SPOCK1: variants seen among roughly 807,000 people sequenced by gnomAD.
The protein encoded by SPOCK1 is SPARC (osteonectin), cwcv and kazal like domains proteoglycan 1, also known as testican-1.
A neutral mutation model predicts 55.3 loss-of-function variants in SPOCK1; 23 were observed. The observed-to-expected ratio is 0.42, with a 90% CI of 0.30 to 0.59. The LOEUF is 0.59. SPOCK1 is among the 20% of genes least tolerant of loss of function. SPOCK1 has a pLI of 0.22. For synonymous variants in SPOCK1, 226 were observed against 221.0 expected (o/e 1.02, Z -0.20); for missense variants, 499 against 552.5 (o/e 0.90, Z 0.97).
chr5:137,097,592 G>A (rs1207037104), intron 5 of SPOCK1, among the ~76,000 whole-genome samples: 2 of 152,176 alleles, frequency 1.3e-5, no homozygotes, highest in Non-Finnish European at 2.9e-5. Flanking sequence ...AGAGAGCCAG[G>A]AGAACAACTG....
At chr5:137,439,633 T>C (rs989268864) in intron 2 of SPOCK1, among the ~76,000 whole-genome samples, 4 of 152,172 alleles carry the variant, frequency 2.6e-5, no homozygotes, top group African/African-American at 9.7e-5. Flanking sequence ...CAGGGTCTGT[T>C]AATTGAGGGC....
At chr5:137,216,060 T>C (rs956012578) in intron 3 of SPOCK1, among the ~76,000 whole-genome samples, 1 of 152,110 alleles carries the variant, frequency 6.6e-6, no homozygotes, top group Non-Finnish European at 1.5e-5. Flanking sequence ...TGGCTCATCA[T>C]GTAATGCTCC....
At chr5:137,281,698 G>A (rs1757168381) in intron 2 of SPOCK1, among the ~76,000 whole-genome samples, 1 of 152,182 alleles carries the variant, frequency 6.6e-6, no homozygotes, top group African/African-American at 2.4e-5. Context: ...TCGGGGCTCA[G>A]CTATCTCATC....
chr5:137,450,140 G>C (rs1230858414), intron 2 of SPOCK1, among the ~76,000 whole-genome samples: 2 of 152,140 alleles, frequency 1.3e-5, no homozygotes, highest in Non-Finnish European at 2.9e-5. Flanking sequence ...GGAGTGAGAT[G>C]TTGAGGTGGG....
intron 4 of SPOCK1, among the ~76,000 whole-genome samples, chr5:137,118,596 C>G (rs2127036468): frequency 6.6e-6 from 1 of 152,334 alleles, no homozygotes; most frequent in East Asian, 1.9e-4. Flanking sequence ...CGACAGCAAG[C>G]AGGTGGCAAG....
chr5:137,180,018 A>G (rs779370615), intron 3 of SPOCK1, among the ~76,000 whole-genome samples: 1 of 152,200 alleles, frequency 6.6e-6, no homozygotes, highest in Non-Finnish European at 1.5e-5. Context: ...GACTGCTAGC[A>G]TCTCAACCTT....
At chr5:136,988,265 A>G (rs1349447217) in intron 8 of SPOCK1, among the ~76,000 whole-genome samples, 157 bp downstream of exon 8, 1 of 152,186 alleles carries the variant, frequency 6.6e-6, no homozygotes, top group African/African-American at 2.4e-5. Context: ...AGCAGAAATA[A>G]ACTGGAAGAA....
intron 2 of SPOCK1, among the ~76,000 whole-genome samples, chr5:137,374,891 A>G (rs1450686172): frequency 1.3e-5 from 2 of 152,194 alleles, no homozygotes; most frequent in African/African-American, 2.4e-5. Flanking sequence ...ATCCAACTCC[A>G]GAAGCCAGGT....
chr5:137,344,487 A>G (rs1186501489), intron 2 of SPOCK1, among the ~76,000 whole-genome samples: 1 of 152,234 alleles, frequency 6.6e-6, no homozygotes, highest in Non-Finnish European at 1.5e-5. Context: ...GCAGTTCTTA[A>G]GCAAAAGTGA....
chr5:137,342,085 A>T (rs1280183713), intron 2 of SPOCK1, among the ~76,000 whole-genome samples: 1 of 152,222 alleles, frequency 6.6e-6, no homozygotes, highest in East Asian at 1.9e-4. Context: ...CATGTATGTG[A>T]TCAGACATAC....
chr5:137,064,680 A>C, intron 6 of SPOCK1, among the ~76,000 whole-genome samples: 1 of 152,096 alleles, frequency 6.6e-6, no homozygotes, highest in South Asian at 2.1e-4. Context: ...TCTCCCTTGT[A>C]CCCATGCCCT....
intron 2 of SPOCK1, among the ~76,000 whole-genome samples, chr5:137,277,975 C>T (rs1417781007): frequency 6.6e-6 from 1 of 152,186 alleles, no homozygotes; most frequent in Non-Finnish European, 1.5e-5. Context: ...CAAAGTGAAA[C>T]ATCCAACACC....
At chr5:137,171,658 A>T (rs1351797805) in intron 3 of SPOCK1, among the ~76,000 whole-genome samples, 1 of 152,152 alleles carries the variant, frequency 6.6e-6, no homozygotes, top group African/African-American at 2.4e-5. Flanking sequence ...CAAAAGTAAA[A>T]ATAATAATAA....
intron 3 of SPOCK1, among the ~76,000 whole-genome samples, chr5:137,239,121 C>G (rs1756236504): frequency 6.6e-6 from 1 of 152,156 alleles, no homozygotes; most frequent in Non-Finnish European, 1.5e-5. Context: ...CCCCAATTTC[C>G]AGGGAGAGGA....
At chr5:137,052,406 G>A (rs1416570245) in intron 6 of SPOCK1, among the ~76,000 whole-genome samples, 1 of 152,170 alleles carries the variant, frequency 6.6e-6, no homozygotes, top group Non-Finnish European at 1.5e-5. Flanking sequence ...AAAAATGACA[G>A]TGGTCCTCTG....
chr5:137,359,875 T>C (rs1183561466), intron 2 of SPOCK1, among the ~76,000 whole-genome samples: 1 of 152,262 alleles, frequency 6.6e-6, no homozygotes, highest in African/African-American at 2.4e-5. Context: ...ACCTATCCAC[T>C]GCTGGGAGAT....
chr5:137,019,923 GC>G (rs1751534733), intron 6 of SPOCK1, among the ~76,000 whole-genome samples: 2 of 152,044 alleles, frequency 1.3e-5, no homozygotes, highest in Admixed American at 1.3e-4. Flanking sequence ...ATAAGTTAGA[GC>G]TAAAGTATCC....
At chr5:137,383,351 T>C (rs1751518905) in intron 2 of SPOCK1, among the ~76,000 whole-genome samples, 1 of 152,184 alleles carries the variant, frequency 6.6e-6, no homozygotes, top group South Asian at 2.1e-4. Context: ...CAGCCCTTAG[T>C]ATCTACTGCT....
At chr5:137,358,109 G>T (rs889095261) in intron 2 of SPOCK1, among the ~76,000 whole-genome samples, 5 of 152,110 alleles carry the variant, frequency 3.3e-5, no homozygotes, top group African/African-American at 4.8e-5. Flanking sequence ...AAAGCACCAA[G>T]TGATGCAACT....
Sources: gnomAD v4.1 joint callset for allele counts (sites outside exome capture counted in the v4.1 genomes callset) on GRCh38, gnomAD v4.1.1 for gene constraint, MANE v1.5 for transcripts, NCBI Gene and HGNC (gene_info 2026-07-23, HGNC 2026-07-21) for gene names.